The following MBD5 variants were observed in gnomAD, a reference collection of about 807,000 sequenced individuals.
The protein encoded by MBD5 is methyl-CpG-binding domain protein 5.
MBD5 carries 13 observed loss-of-function variants against 117.3 expected under a neutral mutation model. That is an observed-to-expected ratio of 0.11 (90% CI 0.07 to 0.18). The LOEUF (loss-of-function observed/expected upper bound fraction) is 0.18. MBD5 is among the 10% of genes least tolerant of loss of function. The probability of loss-of-function intolerance (pLI) is 1.00; values close to 1 mark genes in which losing one functional copy is unlikely to be tolerated. For missense variants in MBD5, 1,879 were observed against 2,093.8 expected, an observed-to-expected ratio of 0.90 and a Z score of 2.00; for synonymous variants, 727 against 766.4, an observed-to-expected ratio of 0.95 and a Z score of 0.85.
intron 1 of MBD5, among the ~76,000 whole-genome samples, chr2:148,150,488 G>T (rs1453997164): frequency 1.3e-5 from 2 of 152,130 alleles, no homozygotes; most frequent in African/African-American, 4.8e-5. Flanking sequence ...AAAGTCATTG[G>T]TAGCTTGATG....
At chr2:148,412,365 A>AGAGAGT (rs1193739920) in intron 4 of MBD5, among the ~76,000 whole-genome samples, 1 of 151,608 alleles carries the variant, frequency 6.6e-6, no homozygotes, top group Non-Finnish European at 1.5e-5. Flanking sequence ...AGACAGAGAG[A>AGAGAGT]GAGAGTGAGA....
intron 4 of MBD5, among the ~76,000 whole-genome samples, chr2:148,382,498 T>C (rs1409885884): frequency 1.3e-5 from 2 of 152,010 alleles, no homozygotes; most frequent in Non-Finnish European, 2.9e-5. Context: ...TCCCACACAA[T>C]AATAATGGGA....
intron 3 of MBD5, among the ~76,000 whole-genome samples, chr2:148,299,336 C>T (rs933030696): frequency 1.3e-5 from 2 of 152,120 alleles, no homozygotes; most frequent in African/African-American, 4.8e-5. Flanking sequence ...CCCTGTTGGT[C>T]AGGCTGGCCT....
intron 4 of MBD5, among the ~76,000 whole-genome samples, chr2:148,383,361 A>T (rs554884729): frequency 5.6e-4 from 86 of 152,342 alleles, no homozygotes; most frequent in Middle Eastern, 3.4e-3. Context: ...TCTAGAAGAA[A>T]TGGATAAATT....
At chr2:148,324,851 G>T (rs79584485) in intron 3 of MBD5, among the ~76,000 whole-genome samples, 1 of 151,988 alleles carries the variant, frequency 6.6e-6, no homozygotes, top group Non-Finnish European at 1.5e-5. Flanking sequence ...AATTGCCCTG[G>T]CCAGAACTTC....
At chr2:148,436,275 T>A (rs1176484817) in intron 4 of MBD5, among the ~76,000 whole-genome samples, 1 of 152,226 alleles carries the variant, frequency 6.6e-6, no homozygotes, top group African/African-American at 2.4e-5. Context: ...CCCATGAGTG[T>A]CTAATCTCAG....
chr2:148,334,551 C>T (rs559534822), intron 3 of MBD5, among the ~76,000 whole-genome samples: 5 of 152,152 alleles, frequency 3.3e-5, no homozygotes, highest in African/African-American at 1.2e-4. Flanking sequence ...CCAGGCTGAC[C>T]TCAAGCTCCT....
At chr2:148,347,912 C>A (rs1322023536) in intron 4 of MBD5, among the ~76,000 whole-genome samples, 1 of 151,904 alleles carries the variant, frequency 6.6e-6, no homozygotes, top group Non-Finnish European at 1.5e-5. Context: ...GCCACTTTTA[C>A]TAGTAGAATC....
chr2:148,485,839 A>T lies in MBD5; in HGVS notation c.3642A>T (p.Gln1214His), dbSNP rs1465735521. Residue 1214 changes from glutamine (Q) to histidine (H), a missense_variant, in exon 10 of 14, where the codon CAA (glutamine) becomes CAT (histidine). Physicochemically the swap from Gln to His is conservative, Grantham distance 24. Transcript: ENST00000642680. ...NNNQMFPPNQ[Q>H]QQQLLQGYQN... ...ATCAGATGTTTCCTCCAAATCAGCA[A>T]CAGCAGCAACTTCTCCAGGGGTACC... 1.3e-5 allele frequency: 21 copies of T among 1,614,160 alleles called. No homozygotes were observed. Among genetic ancestry groups the T allele is most frequent in the Non-Finnish European group, 1.1e-5 (13 of 1,179,996 alleles).
At chr2:148,065,565 A>G (rs1277249563) in intron 1 of MBD5, among the ~76,000 whole-genome samples, 1 of 152,222 alleles carries the variant, frequency 6.6e-6, no homozygotes, top group Non-Finnish European at 1.5e-5. Context: ...TGTCAAAAAA[A>G]TCAAACTCAG....
chr2:148,411,949 G>A (rs1057252451), intron 4 of MBD5, among the ~76,000 whole-genome samples: 1 of 151,958 alleles, frequency 6.6e-6, no homozygotes, highest in African/African-American at 2.4e-5. Context: ...ATATTTCCAA[G>A]GTTATTGGTT....
intron 1 of MBD5, among the ~76,000 whole-genome samples, chr2:148,050,474 T>C (rs372327217): frequency 8.5e-4 from 129 of 152,284 alleles, no homozygotes; most frequent in African/African-American, 2.8e-3. Flanking sequence ...ACTAGACCCT[T>C]ATCATATATG....
chr2:148,332,566 G>C (rs1452516395), intron 3 of MBD5, among the ~76,000 whole-genome samples: 1 of 152,130 alleles, frequency 6.6e-6, no homozygotes, highest in African/African-American at 2.4e-5. Context: ...TATTGTGGCT[G>C]AGTATAGGAT....
intron 1 of MBD5, among the ~76,000 whole-genome samples, chr2:148,076,637 A>G (rs1378090296): frequency 2.6e-5 from 4 of 152,226 alleles, no homozygotes; most frequent in Admixed American, 6.5e-5. Context: ...AAGACCAGCT[A>G]TTGGTGAGCA....
chr2:148,345,821 G>A (rs940340144), intron 4 of MBD5, among the ~76,000 whole-genome samples: 4 of 151,756 alleles, frequency 2.6e-5, no homozygotes, highest in African/African-American at 9.7e-5. Context: ...CAAAACTGAA[G>A]AACTTGGAGT....
intron 1 of MBD5, among the ~76,000 whole-genome samples, chr2:148,100,600 C>T (rs1235518501): frequency 6.6e-6 from 1 of 152,096 alleles, no homozygotes; most frequent in African/African-American, 2.4e-5. Context: ...ATTGTTTATT[C>T]GTGTGTCTAG....
At chr2:148,308,458 A>G (rs1185975547) in intron 3 of MBD5, among the ~76,000 whole-genome samples, 1 of 125,268 alleles carries the variant, frequency 8.0e-6, no homozygotes, top group Non-Finnish European at 1.7e-5. Flanking sequence ...GTGTCTGTTC[A>G]TATACTTCTC....
At chr2:148,242,163 G>A (rs77310939) in intron 3 of MBD5, among the ~76,000 whole-genome samples, 19,251 of 151,996 alleles carry the variant, frequency 0.13, 1,475 homozygotes, top group Non-Finnish European at 0.18. Flanking sequence ...GAAAATATAC[G>A]TAAAGCATGT....
intron 10 of MBD5, 77 bp downstream of exon 10, chr2:148,486,027 T>C: frequency 7.0e-7 from 1 of 1,436,312 alleles, no homozygotes; most frequent in South Asian, 1.1e-5. Context: ...GGGGAAAGGG[T>C]GAAAAAAGTA....
Sources: gnomAD v4.1 joint callset for allele counts (sites outside exome capture counted in the v4.1 genomes callset) on GRCh38, gnomAD v4.1.1 for gene constraint, MANE v1.5 for transcripts, NCBI Gene and HGNC (gene_info 2026-07-23, HGNC 2026-07-21) for gene names.